ADCY1: variants seen among roughly 807,000 people sequenced by gnomAD.
ADCY1 encodes adenylate cyclase type 1.
A neutral mutation model predicts 105.4 loss-of-function variants in ADCY1; 28 were observed. The ratio of observed to expected loss-of-function variants is 0.27; its 90% CI spans 0.20 to 0.36. The LOEUF is 0.36. Among genes scored for constraint, ADCY1 ranks in the 10% least tolerant of loss-of-function variants. ADCY1 has a pLI of 1.00. For missense variants in ADCY1, 977 were observed against 1,434.2 expected (o/e 0.68, Z 5.15); for synonymous variants, 655 against 623.8 (o/e 1.05, Z -0.75).
chr7:45,704,944 C>G (rs1282276616), intron 17 of ADCY1, among the ~76,000 whole-genome samples: 1 of 151,748 alleles, frequency 6.6e-6, no homozygotes, highest in Non-Finnish European at 1.5e-5. Flanking sequence ...CACCAGCCCC[C>G]ACCTTCCTCC....
At chr7:45,578,339 A>G (rs1018584448) in intron 1 of ADCY1, among the ~76,000 whole-genome samples, 3 of 152,136 alleles carry the variant, frequency 2.0e-5, no homozygotes, top group Admixed American at 6.5e-5. Flanking sequence ...AGTGGCCAGA[A>G]CTGAGTTCCT....
At chr7:45,671,264 AGTGCCTTC>A (rs750345858) in intron 8 of ADCY1, among the ~76,000 whole-genome samples, 2,226 of 152,354 alleles carry the variant, frequency 0.015, 21 homozygotes, top group Middle Eastern at 0.041. Context: ...GTGTGTTAAT[AGTGCCTTC>A]CTTTCATTGC....
intron 1 of ADCY1, among the ~76,000 whole-genome samples, chr7:45,582,326 T>TC (rs1792575666): frequency 6.6e-6 from 1 of 152,098 alleles, no homozygotes; most frequent in Non-Finnish European, 1.5e-5. Flanking sequence ...TTCCTGCACC[T>TC]CCAGCTCCGT....
chr7:45,704,659 G>A (rs1448521103), intron 17 of ADCY1, 43 bp downstream of exon 17: 5 of 1,549,680 alleles, frequency 3.2e-6, no homozygotes, highest in African/African-American at 1.4e-5. Context: ...CTGGGTCCAA[G>A]CTCTGCCCTA....
intron 10 of ADCY1, 46 bp downstream of exon 10, chr7:45,678,309 G>C: frequency 1.3e-6 from 2 of 1,559,366 alleles, no homozygotes; most frequent in Non-Finnish European, 1.8e-6. Flanking sequence ...AAGAAGTCCC[G>C]GTTTCTGGGG....
Position 45,591,291 on chromosome 7 carries a change from G to A in ADCY1, c.640-1468G>A, listed in dbSNP as rs775148273. ...GGAGCTGCCAGGTCTCCCTCCTAGA[G>A]CCGTCTGGGGGCCCCATCCTGCTGC... On this transcript the variant is annotated intron_variant, in intron 1 of 19. Coordinates refer to ENST00000297323, the MANE Select transcript of ADCY1 (RefSeq NM_021116.4). The surrounding 1 kb of genome is among the most constrained non-coding windows in gnomAD (Gnocchi z 4.1). Among the ~76,000 whole-genome samples the A allele has an allele frequency of 3.9e-5, 6 of 152,182 alleles. No homozygotes were observed. The highest frequency in any genetic ancestry group is 8.8e-5 in the Non-Finnish European group (6 of 68,038).
At chr7:45,688,628 AAG>A (rs767878882) in intron 14 of ADCY1, among the ~76,000 whole-genome samples, 31 of 152,220 alleles carry the variant, frequency 2.0e-4, no homozygotes, top group Non-Finnish European at 3.8e-4. Context: ...AAGCAAAAGA[AAG>A]AACATATACA....
chr7:45,708,443 A>G lies in ADCY1; in HGVS notation c.2911A>G (p.Asn971Asp). 1 of 1,614,060 alleles carries G rather than the reference A, an allele frequency of 6.2e-7. No homozygotes were observed. Among genetic ancestry groups the G allele is most frequent in the Non-Finnish European group, 8.5e-7 (1 of 1,179,886 alleles). The change falls in exon 18 of 20, where the codon AAC becomes GAC. Residue 971 changes from asparagine (N) to aspartate (D), a missense_variant. Around this residue, in one of 7 missense-constraint regions of ADCY1, gnomAD observed 152 missense variants for 293.7 expected, o/e 0.52. Coordinates refer to ENST00000297323, the MANE Select transcript of ADCY1 (RefSeq NM_021116.4). The surrounding 1 kb of genome is among the most constrained non-coding windows in gnomAD (Gnocchi z 4.7). ...VLDEINYQSYNDFVLRVGINV... is the reference protein window; with the variant it reads ...VLDEINYQSYDDFVLRVGINV... ...GGATGAAATCAACTACCAGTCTTAC[A>G]ACGACTTTGTCCTCCGAGTTGGTAT...
intron 3 of ADCY1, among the ~76,000 whole-genome samples, chr7:45,617,850 T>C (rs1029297350): frequency 6.6e-6 from 1 of 152,198 alleles, no homozygotes; most frequent in Non-Finnish European, 1.5e-5. Flanking sequence ...AAAGTATCAG[T>C]GATGTTCTTC....
intron 4 of ADCY1, among the ~76,000 whole-genome samples, chr7:45,629,225 TG>T (rs1235582582): frequency 1.3e-5 from 2 of 152,256 alleles, no homozygotes; most frequent in Non-Finnish European, 2.9e-5. Flanking sequence ...CTACATTGTC[TG>T]GCTTTTTTTC....
At chr7:45,640,618 GCAGT>G (rs1209136642) in intron 4 of ADCY1, among the ~76,000 whole-genome samples, 1 of 152,160 alleles carries the variant, frequency 6.6e-6, no homozygotes, top group African/African-American at 2.4e-5. Context: ...ACAAAGATTG[GCAGT>G]CAGAGTTCAG....
At chr7:45,690,739 A>C (rs1005072325) in intron 14 of ADCY1, among the ~76,000 whole-genome samples, 2 of 152,226 alleles carry the variant, frequency 1.3e-5, no homozygotes, top group Non-Finnish European at 2.9e-5. Flanking sequence ...GTAATAGGAA[A>C]AGAGCCTCTT....
intron 8 of ADCY1, among the ~76,000 whole-genome samples, chr7:45,667,671 T>G (rs900003056): frequency 2.6e-5 from 4 of 152,192 alleles, no homozygotes; most frequent in Non-Finnish European, 5.9e-5. Context: ...GTGAAGAAAG[T>G]CATTGGTAGC....
intron 3 of ADCY1, among the ~76,000 whole-genome samples, chr7:45,615,958 A>G (rs994370195): frequency 6.6e-6 from 1 of 152,170 alleles, no homozygotes; most frequent in African/African-American, 2.4e-5. Context: ...TCTTAGCTAG[A>G]CCAATAAAAA....
intron 1 of ADCY1, among the ~76,000 whole-genome samples, chr7:45,585,839 A>T (rs1792707075): frequency 1.3e-5 from 2 of 151,612 alleles, no homozygotes; most frequent in Admixed American, 1.3e-4. Flanking sequence ...TGATGGTGTG[A>T]CTCCTTTTGG....
chr7:45,610,824 GT>G (rs1793541976), intron 3 of ADCY1, among the ~76,000 whole-genome samples: 1 of 151,906 alleles, frequency 6.6e-6, no homozygotes, highest in South Asian at 2.1e-4. Flanking sequence ...AGGTATGGAG[GT>G]GATAGTGGAG....
At chr7:45,598,854 C>T (rs952201567) in intron 2 of ADCY1, among the ~76,000 whole-genome samples, 2 of 152,176 alleles carry the variant, frequency 1.3e-5, no homozygotes, top group Non-Finnish European at 2.9e-5. Flanking sequence ...TTATGGAGGA[C>T]GGAGCTCGGA....
intron 4 of ADCY1, among the ~76,000 whole-genome samples, chr7:45,642,361 G>C (rs1291690766): frequency 1.3e-5 from 2 of 152,230 alleles, no homozygotes; most frequent in Non-Finnish European, 2.9e-5. Context: ...GTGAGAATTA[G>C]ATTAGACAAA....
chr7:45,603,265 A>G (rs1793287659), intron 2 of ADCY1, among the ~76,000 whole-genome samples: 1 of 152,232 alleles, frequency 6.6e-6, no homozygotes, highest in Non-Finnish European at 1.5e-5. Context: ...TGCTACTATA[A>G]AAAATCATGC....
Sources: allele counts gnomAD v4.1 joint callset (sites outside exome capture counted in the v4.1 genomes callset), GRCh38; gene constraint gnomAD v4.1.1; regional missense constraint gnomAD v4.1.1; non-coding constraint Gnocchi (gnomAD v3.1); transcripts MANE v1.5; gene names NCBI Gene and HGNC (gene_info 2026-07-23, HGNC 2026-07-21).